Variants in TMEM117 observed in about 807,000 individuals in gnomAD.
The protein encoded by TMEM117 is transmembrane protein 117.
Under a neutral mutation model 52.4 loss-of-function variants are expected in TMEM117, and 27 were observed. The observed-to-expected ratio is 0.51, with a 90% CI of 0.38 to 0.71. The LOEUF is 0.71. Ranked by LOEUF, TMEM117 falls within the 30% of genes least tolerant of loss-of-function variation. TMEM117 has a pLI of 0.00. For synonymous variants in TMEM117, 215 were observed against 206.3 expected (o/e 1.04, Z -0.36); for missense variants, 556 against 630.5 (o/e 0.88, Z 1.26).
At chr12:44,290,395 G>A (rs1344918895) in intron 5 of TMEM117, among the ~76,000 whole-genome samples, 1 of 152,114 alleles carries the variant, frequency 6.6e-6, no homozygotes, top group African/African-American at 2.4e-5. Context: ...GTTAATATTT[G>A]TGTATGATGT....
At chr12:44,068,561 G>A (rs918175770) in intron 3 of TMEM117, among the ~76,000 whole-genome samples, 3 of 152,112 alleles carry the variant, frequency 2.0e-5, no homozygotes, top group Non-Finnish European at 4.4e-5. Context: ...GAGAAAAGGG[G>A]AACAGCTGGT....
chr12:44,122,595 A>G (rs181478684), intron 3 of TMEM117, among the ~76,000 whole-genome samples: 3 of 152,072 alleles, frequency 2.0e-5, no homozygotes, highest in African/African-American at 7.2e-5. Context: ...CCCAGTGCAT[A>G]TTGTTCCCTG....
chr12:44,084,149 C>T (rs1947529092), intron 3 of TMEM117, among the ~76,000 whole-genome samples: 1 of 152,084 alleles, frequency 6.6e-6, no homozygotes, highest in Non-Finnish European at 1.5e-5. Context: ...TGTGTTTTTT[C>T]AGCCCAAACT....
chr12:43,866,567 C>A (rs1462706842), intron 2 of TMEM117, among the ~76,000 whole-genome samples: 1 of 151,642 alleles, frequency 6.6e-6, no homozygotes, highest in Non-Finnish European at 1.5e-5. Flanking sequence ...AGAGCAAGAT[C>A]CTGTCTCTTA....
chr12:44,377,692 T>C (rs1307851420), intron 7 of TMEM117, among the ~76,000 whole-genome samples: 1 of 152,190 alleles, frequency 6.6e-6, no homozygotes, highest in African/African-American at 2.4e-5. Flanking sequence ...AGTGTGTGTC[T>C]GTTTTAAGGA....
chr12:43,969,216 C>A (rs1417910289), intron 3 of TMEM117, among the ~76,000 whole-genome samples: 1 of 151,494 alleles, frequency 6.6e-6, no homozygotes, highest in Admixed American at 6.6e-5. Context: ...ATTTATCAAC[C>A]CTTTAAAACT....
chr12:43,805,201 T>C, the TMEM117 span, among the ~76,000 whole-genome samples: 1 of 152,352 alleles, frequency 6.6e-6, no homozygotes, highest in East Asian at 1.9e-4. Context: ...GTGTTGTCTA[T>C]TAGCAGCAAG....
intron 3 of TMEM117, chr12:44,083,733 G>T (rs1012581794): frequency 3.9e-5 from 6 of 151,944 alleles, no homozygotes; most frequent in African/African-American, 1.5e-4. Context: ...AATCTCTTGG[G>T]TGTAAAATGA....
chr12:43,872,972 A>G (rs895228961), intron 2 of TMEM117, among the ~76,000 whole-genome samples: 6 of 152,202 alleles, frequency 3.9e-5, no homozygotes, highest in Non-Finnish European at 7.4e-5. Context: ...AAGATAAGTC[A>G]GACTCTAAAA....
intron 4 of TMEM117, among the ~76,000 whole-genome samples, chr12:44,159,401 T>C (rs1699848244): frequency 1.3e-5 from 2 of 152,280 alleles, no homozygotes; most frequent in African/African-American, 4.8e-5. Flanking sequence ...TTAAAGACTT[T>C]TTTTTTTAAC....
rs576181980 is a variant in TMEM117, at chr12:44,321,571, C to T, written c.768+21832C>T. On this transcript the variant is annotated intron_variant, in intron 6 of 7. Transcript: ENST00000266534. ...AAATCTGGATTCATTTTGCTACTGCCGACAGGGATGAATCTGGTGACTCCC... is the reference window on the plus strand; with the variant it reads ...AAATCTGGATTCATTTTGCTACTGCTGACAGGGATGAATCTGGTGACTCCC... 4.2e-4 allele frequency among the ~76,000 whole-genome samples: 64 copies of T among 152,092 alleles called. 1 individual carries two copies. The Middle Eastern group carries it at 0.024, about 57-fold the overall frequency.
intron 5 of TMEM117, among the ~76,000 whole-genome samples, chr12:44,250,988 G>A (rs766308691): frequency 6.6e-6 from 1 of 152,008 alleles, no homozygotes; most frequent in African/African-American, 2.4e-5. Context: ...CTTGTATCCC[G>A]GATCTTAAAG....
chr12:43,872,341 A>G (rs1251732924), intron 2 of TMEM117, among the ~76,000 whole-genome samples: 1 of 140,360 alleles, frequency 7.1e-6, no homozygotes, highest in Non-Finnish European at 1.6e-5. Flanking sequence ...GAGCACGAAT[A>G]CTATTCTAAA....
chr12:43,956,500 C>CAAAAA (rs57544750), intron 3 of TMEM117, among the ~76,000 whole-genome samples: 5 of 83,544 alleles, frequency 6.0e-5, no homozygotes, highest in South Asian at 5.5e-4. Flanking sequence ...AGACACTTCT[C>CAAAAA]AAAAAAAAAA....
chr12:43,962,652 G>A (rs1482632948), intron 3 of TMEM117, among the ~76,000 whole-genome samples: 1 of 152,186 alleles, frequency 6.6e-6, no homozygotes, highest in Non-Finnish European at 1.5e-5. Flanking sequence ...CCGGGCACGT[G>A]GCTCACACCT....
chr12:44,354,044 A>C (rs1033610592), intron 6 of TMEM117, among the ~76,000 whole-genome samples: 2 of 152,042 alleles, frequency 1.3e-5, no homozygotes, highest in Non-Finnish European at 2.9e-5. Context: ...TAGGTATTTT[A>C]TTCTCTTTGA....
At chr12:43,941,669 TTGAC>T (rs1419960804) in intron 2 of TMEM117, among the ~76,000 whole-genome samples, 2 of 152,328 alleles carry the variant, frequency 1.3e-5, no homozygotes, top group African/African-American at 2.4e-5. Flanking sequence ...ATAGTACAAT[TTGAC>T]TGAACACTTG....
intron 3 of TMEM117, among the ~76,000 whole-genome samples, chr12:44,139,532 G>GA (rs1014021422): frequency 8.6e-5 from 13 of 151,658 alleles, no homozygotes; most frequent in Non-Finnish European, 1.5e-4. Context: ...AAATCTCGAG[G>GA]AAAAAATAAT....
At chr12:43,952,169 C>T (rs1322175060) in intron 3 of TMEM117, among the ~76,000 whole-genome samples, 1 of 152,028 alleles carries the variant, frequency 6.6e-6, no homozygotes, top group African/African-American at 2.4e-5. Flanking sequence ...TAGATAAATC[C>T]ACAAAAATGA....
Sources: gnomAD v4.1 joint callset for allele counts (sites outside exome capture counted in the v4.1 genomes callset) on GRCh38, gnomAD v4.1.1 for gene constraint, MANE v1.5 for transcripts, NCBI Gene and HGNC (gene_info 2026-07-23, HGNC 2026-07-21) for gene names.